The following KIF1B variants were observed in gnomAD, a reference collection of about 807,000 sequenced individuals.
The protein encoded by KIF1B is kinesin family member 1B.
Under a neutral mutation model 241.9 loss-of-function variants are expected in KIF1B, and 76 were observed. The observed-to-expected ratio is 0.31, with a 90% CI of 0.26 to 0.38. The LOEUF (loss-of-function observed/expected upper bound fraction) is 0.38. KIF1B is among the 10% of genes least tolerant of loss of function. The pLI, the probability that KIF1B is intolerant of heterozygous loss-of-function variation, is 1.00. For missense variants in KIF1B, 1,622 were observed against 2,271.4 expected (o/e 0.71, Z 5.81); for synonymous variants, 750 against 796.7 (o/e 0.94, Z 0.99).
intron 1 of KIF1B, among the ~76,000 whole-genome samples, chr1:10,217,492 T>C (rs1004210750): frequency 6.6e-6 from 1 of 151,708 alleles, no homozygotes; most frequent in African/African-American, 2.4e-5. Context: ...TAATTTTGTA[T>C]TTTTAGTAGA....
At chr1:10,238,191 G>A (rs559427065) in intron 2 of KIF1B, among the ~76,000 whole-genome samples, 26 of 151,808 alleles carry the variant, frequency 1.7e-4, no homozygotes, top group African/African-American at 6.3e-4. Context: ...GACCAGCCTG[G>A]GCAACATGGT....
At position 10,303,998 on chromosome 1, in the gene KIF1B, C is replaced by T; in HGVS notation, c.2115+6752C>T. The T allele has an allele frequency of 1.9e-6, 3 of 1,610,920 alleles. No homozygotes were observed. Among genetic ancestry groups the T allele is most frequent in the Non-Finnish European group, 2.5e-6 (3 of 1,178,290 alleles). On this transcript the variant is annotated intron_variant, in intron 22 of 48. Coordinates refer to ENST00000676179, the MANE Select transcript of KIF1B (RefSeq NM_001365951.3). This position sits in a 1 kb window ranked among gnomAD's most constrained non-coding sequence, Gnocchi z 5.2. ...AAGAACTTGCAACAGCAGGAGATAA[C>T]AAAGCAGCTTCGTCGGCAGAATGTA...
intron 9 of KIF1B, chr1:10,272,572 C>T: frequency 1.9e-6 from 1 of 533,042 alleles, no homozygotes; most frequent in East Asian, 3.6e-5. Flanking sequence ...TTTTTTGAGC[C>T]TTATTTTATG....
chr1:10,235,543 G>T (rs2102136279), intron 2 of KIF1B, among the ~76,000 whole-genome samples: 1 of 152,192 alleles, frequency 6.6e-6, no homozygotes, highest in Admixed American at 6.5e-5. Context: ...ATGAGCTGCT[G>T]CACCCAGCCA....
chr1:10,289,351 A>G (rs1395457465), intron 15 of KIF1B, among the ~76,000 whole-genome samples: 2 of 152,264 alleles, frequency 1.3e-5, no homozygotes, highest in East Asian at 3.9e-4. Flanking sequence ...CTGCTCTAGC[A>G]ACACATTATT....
chr1:10,363,313 C>A lies in KIF1B; in HGVS notation c.4335C>A (p.Ser1445Arg), dbSNP rs1267693828. 6.2e-7 allele frequency: 1 copy of A among 1,613,578 alleles called. No homozygotes were observed. Among genetic ancestry groups the A allele is most frequent in the Admixed American group, 1.7e-5 (1 of 60,022 alleles). Residue 1445 changes from serine (S) to arginine (R), a missense_variant, in exon 41 of 49, where the codon AGC becomes AGA. Around this residue, in one of 7 missense-constraint regions of KIF1B, gnomAD observed 803 missense variants for 1,112.0 expected, o/e 0.72. Coordinates refer to ENST00000676179, the MANE Select transcript of KIF1B (RefSeq NM_001365951.3). ...SNRVTGIYEL[S>R]LCKMSDTGSP... is the part of the protein sequence containing the mutation. ...GAGTCACTGGCATTTACGAACTCAG[C>A]TTATGCAAAATGTCAGACACAGGTA...
rs546816813 is a variant in KIF1B, at chr1:10,324,434, T to G, written c.2538-324T>G. On this transcript the variant is annotated intron_variant, in intron 25 of 48. Transcript: ENST00000676179. ...ATAATCTGGCTTCTTTTACATGTAG[T>G]ATAATGAGGTATTTCCCCCGTCTCA... Among the ~76,000 whole-genome samples the G allele has an allele frequency of 4.7e-4, 72 of 152,316 alleles. 1 individual carries two copies. Among genetic ancestry groups the G allele is most frequent in the African/African-American group, 1.7e-3 (70 of 41,580 alleles).
rs1473645064 is a variant in KIF1B, at chr1:10,380,961, A to G, written c.*4374A>G. The stretch of plus-strand genomic sequence containing the variant: ...GAAGTTAGTATTTGAGCCCCATAAG[A>G]TCTTTAAAAAGCCTCCAATCATTTA... On this transcript the variant is annotated 3_prime_UTR_variant, in exon 49 of 49. Transcript: ENST00000676179. 2 of 220,916 alleles carry G rather than the reference A, an allele frequency of 9.1e-6. No individual in the cohort carries two copies. The highest frequency in any genetic ancestry group is 1.8e-5 in the Non-Finnish European group (2 of 110,276). The allele number at this position is 220,916 out of a possible 1,614,324, so 13.7% of individuals were successfully genotyped here. A position where few individuals can be genotyped will look rare whatever the true frequency, so the allele number is the denominator to read the frequency against.
At chr1:10,217,017 A>G (rs987850999) in intron 1 of KIF1B, among the ~76,000 whole-genome samples, 3 of 122,012 alleles carry the variant, frequency 2.5e-5, no homozygotes, top group African/African-American at 9.7e-5. Flanking sequence ...TCTGTCACCA[A>G]GACTGGAGTG....
intron 15 of KIF1B, among the ~76,000 whole-genome samples, chr1:10,288,055 A>G (rs1301087779): frequency 6.6e-6 from 1 of 152,146 alleles, no homozygotes; most frequent in Non-Finnish European, 1.5e-5. Context: ...CCTTAAAATT[A>G]TGTAGGTTAT....
At position 10,290,995 on chromosome 1, in the gene KIF1B, A is replaced by G. The variant is rs182372039; in HGVS notation, c.1435-87A>G. ...ATTTAATTCTGGCCTGTATCCTCAA[A>G]GGGCATGATTTGCTTCTTGCTTTTC... On this transcript the variant is annotated intron_variant, in intron 15 of 48. Coordinates refer to ENST00000676179, the MANE Select transcript of KIF1B (RefSeq NM_001365951.3). 1.5e-4 allele frequency: 145 copies of G among 983,210 alleles called. 2 individuals carry two copies. In the African/African-American group the frequency reaches 2.2e-3, roughly 15 times the overall value. The allele number at this position is 983,210 out of a possible 1,614,324, so 60.9% of individuals were successfully genotyped here. A position where few individuals can be genotyped will look rare whatever the true frequency, so the allele number is the denominator to read the frequency against.
In KIF1B at chr1:10,235,722, C is replaced by T. The variant is rs540632512; in HGVS notation, c.106+3288C>T. 1.1e-4 allele frequency among the ~76,000 whole-genome samples: 16 copies of T among 151,936 alleles called. 1 individual carries two copies. In the South Asian group the frequency reaches 2.3e-3, roughly 22 times the overall value. On this transcript the variant is annotated intron_variant, in intron 2 of 48. Coordinates refer to ENST00000676179, the MANE Select transcript of KIF1B (RefSeq NM_001365951.3). ...CTAAAAATACAAAAAATTAGCTGGG[C>T]GTGGTGGAGTGTGCCTGTAATCTCA...
chr1:10,279,304 A>G (rs1219405104), intron 14 of KIF1B, among the ~76,000 whole-genome samples, 166 bp downstream of exon 14: 3 of 152,210 alleles, frequency 2.0e-5, no homozygotes, highest in African/African-American at 7.2e-5. Context: ...TTCTTCATTT[A>G]GCAAACTAAT....
At chr1:10,308,311 T>C in intron 22 of KIF1B, 1 of 1,057,586 alleles carries the variant, frequency 9.5e-7, no homozygotes, top group Non-Finnish European at 1.1e-6. Flanking sequence ...AATTGTCCAG[T>C]TTATGTCATC....
intron 22 of KIF1B, chr1:10,306,985 G>C (rs920585885): frequency 3.6e-5 from 38 of 1,041,464 alleles, no homozygotes; most frequent in Non-Finnish European, 4.2e-5. Context: ...ATTTACAGCT[G>C]TGGATTGTGG....
At chr1:10,314,847 G>T (rs567794686) in intron 22 of KIF1B, among the ~76,000 whole-genome samples, 1 of 151,590 alleles carries the variant, frequency 6.6e-6, no homozygotes, top group Non-Finnish European at 1.5e-5. Context: ...TGAGAATTTT[G>T]TATTCATTGG....
At chr1:10,223,554 T>G (rs78317530) in intron 1 of KIF1B, among the ~76,000 whole-genome samples, 39,221 of 148,416 alleles carry the variant, frequency 0.26, 5,412 homozygotes, top group Admixed American at 0.32. Flanking sequence ...TTGTTTTTTT[T>G]TTTTTTTTTT....
intron 4 of KIF1B, among the ~76,000 whole-genome samples, chr1:10,258,991 G>A (rs4845930): frequency 0.53 from 79,794 of 151,966 alleles, 21,513 homozygotes; most frequent in African/African-American, 0.65. Context: ...GAGATGGGGG[G>A]ATATTGTTGA....
At chr1:10,282,057 A>G (rs898111933) in intron 14 of KIF1B, among the ~76,000 whole-genome samples, 5 of 152,196 alleles carry the variant, frequency 3.3e-5, no homozygotes, top group African/African-American at 1.2e-4. Flanking sequence ...CCCCTGCGAG[A>G]TACAGCGTTA....
Sources: gnomAD v4.1 joint callset for allele counts (sites outside exome capture counted in the v4.1 genomes callset) on GRCh38, gnomAD v4.1.1 for gene constraint, gnomAD v4.1.1 regional missense constraint, Gnocchi (gnomAD v3.1) non-coding constraint, MANE v1.5 for transcripts, NCBI Gene and HGNC (gene_info 2026-07-23, HGNC 2026-07-21) for gene names.